Variants in CCNY observed in about 807,000 individuals in gnomAD.
The protein encoded by CCNY is cyclin Y, also known as cyclin-Y.
Under a neutral mutation model 42.8 loss-of-function variants are expected in CCNY, and 19 were observed. That is an observed-to-expected ratio of 0.44 (90% CI 0.31 to 0.65). The LOEUF is 0.65. CCNY is among the 30% of genes least tolerant of loss of function. The probability of loss-of-function intolerance (pLI) is 0.07; values close to 1 mark genes in which losing one functional copy is unlikely to be tolerated. For missense variants in CCNY, 370 were observed against 437.3 expected (o/e 0.85, Z 1.37); for synonymous variants, 165 against 162.7 (o/e 1.01, Z -0.11).
intron 1 of CCNY, among the ~76,000 whole-genome samples, chr10:35,454,023 A>G (rs984580644): frequency 1.3e-5 from 2 of 152,250 alleles, no homozygotes; most frequent in Admixed American, 1.3e-4. Flanking sequence ...GTTCCAACTC[A>G]TAGTTTGAAA....
At chr10:35,300,738 T>A (rs1835523927) in intron 3 of CCNY, among the ~76,000 whole-genome samples, 1 of 152,192 alleles carries the variant, frequency 6.6e-6, no homozygotes, top group Non-Finnish European at 1.5e-5. Context: ...AAATATGCTG[T>A]TTGTTAAGAC....
intron 3 of CCNY, among the ~76,000 whole-genome samples, chr10:35,327,317 CAATA>C (rs1246384858): frequency 6.6e-6 from 1 of 152,116 alleles, no homozygotes; most frequent in Non-Finnish European, 1.5e-5. Flanking sequence ...CTTTCTATAA[CAATA>C]AATACAGATG....
Position 35,530,001 on chromosome 10 carries a change from A to G in CCNY, c.430A>G (p.Ile144Val). ...RDPDGRMLLD[I>V]FDENLHPLSK... The stretch of plus-strand genomic sequence containing the variant: ...CCCAGATGGAAGGATGCTCTTAGAT[A>G]TTTTTGATGAAAATCTTCACCCTCT... The change falls in exon 6 of 10, where the codon ATT (isoleucine) becomes GTT (valine). Residue 144 changes from isoleucine (I) to valine (V), a missense_variant. Ile to Val is a conservative substitution (Grantham distance 29). This residue lies in a region of CCNY where 234 missense variants were observed against 313.1 expected (regional missense o/e 0.75). Coordinates refer to ENST00000374704, the MANE Select transcript of CCNY (RefSeq NM_145012.6). This position sits in a 1 kb window ranked among gnomAD's most constrained non-coding sequence, Gnocchi z 4.3. The G allele has an allele frequency of 1.2e-6, 2 of 1,614,044 alleles. No individual in the cohort carries two copies. Among genetic ancestry groups the G allele is most frequent in the African/African-American group, 1.3e-5 (1 of 75,014 alleles).
chr10:35,437,148 C>T (rs3013367), intron 1 of CCNY, among the ~76,000 whole-genome samples: 8,045 of 152,256 alleles, frequency 0.053, 308 homozygotes, highest in African/African-American at 0.11. Context: ...CCCGGCCCCA[C>T]CATTGACACA....
intron 3 of CCNY, among the ~76,000 whole-genome samples, chr10:35,305,819 T>C (rs181615589): frequency 2.4e-4 from 36 of 152,272 alleles, no homozygotes; most frequent in Admixed American, 1.8e-3. Context: ...TCTTGATATA[T>C]GATCCTTAGA....
At chr10:35,264,420 A>G (rs904823512) in intron 3 of CCNY, among the ~76,000 whole-genome samples, 5 of 152,152 alleles carry the variant, frequency 3.3e-5, no homozygotes. Context: ...GAACTAATAT[A>G]CATTCCCACC....
intron 1 of CCNY, among the ~76,000 whole-genome samples, chr10:35,361,291 A>AT (rs1836680607): frequency 6.6e-6 from 1 of 152,072 alleles, no homozygotes; most frequent in East Asian, 1.9e-4. Context: ...TGACTTTATA[A>AT]TTTTTTTGTC....
At chr10:35,560,915 AG>A (rs1272195527) in intron 8 of CCNY, among the ~76,000 whole-genome samples, 1 of 152,106 alleles carries the variant, frequency 6.6e-6, no homozygotes, top group African/African-American at 2.4e-5. Flanking sequence ...TTATGGGGAG[AG>A]GAGGTAGCAC....
At chr10:35,552,366 G>A (rs1339880314) in intron 7 of CCNY, among the ~76,000 whole-genome samples, 1 of 152,198 alleles carries the variant, frequency 6.6e-6, no homozygotes, top group African/African-American at 2.4e-5. Context: ...GAGGGAGGAA[G>A]TGGGGAATTA....
At chr10:35,292,522 G>C (rs1183036601) in intron 3 of CCNY, among the ~76,000 whole-genome samples, 3 of 151,764 alleles carry the variant, frequency 2.0e-5, no homozygotes, top group Non-Finnish European at 4.4e-5. Context: ...TACCGTGCCT[G>C]GCTAACTTTT....
At chr10:35,389,233 ACTACTACTACTG>A (rs1435008857) in intron 1 of CCNY, among the ~76,000 whole-genome samples, 2 of 152,132 alleles carry the variant, frequency 1.3e-5, no homozygotes, top group Admixed American at 6.5e-5. Context: ...TATTGCTGCT[ACTACTACTACTG>A]CTACTACTAC....
chr10:35,304,492 A>G lies in CCNY; in HGVS notation c.-9+53866A>G, dbSNP rs941845350. 2.7e-4 allele frequency among the ~76,000 whole-genome samples: 27 copies of G among 101,492 alleles called. 4 individuals carry two copies. Among genetic ancestry groups the G allele is most frequent in the Non-Finnish European group, 4.8e-4 (25 of 52,332 alleles). 66.6% of individuals were successfully genotyped at this position (101,492 alleles called of 152,430 possible). Reference sequence around the variant, plus strand: ...GCCCGGCTAATTTTTTTGTATTTTTAGTAGAGACGGGGTTTCACCGTTTTA... The same window carrying G: ...GCCCGGCTAATTTTTTTGTATTTTTGGTAGAGACGGGGTTTCACCGTTTTA... On this transcript the variant is annotated intron_variant, in intron 3 of 11. Coordinates refer to the CCNY transcript ENST00000374706.
intron 1 of CCNY, among the ~76,000 whole-genome samples, chr10:35,399,688 C>T (rs1014480211): frequency 6.6e-6 from 1 of 152,178 alleles, no homozygotes; most frequent in Admixed American, 6.5e-5. Context: ...CAAAAATAAA[C>T]ATAAAAGATA....
intron 3 of CCNY, among the ~76,000 whole-genome samples, chr10:35,289,644 C>T (rs1835389340): frequency 6.6e-6 from 1 of 152,020 alleles, no homozygotes; most frequent in Non-Finnish European, 1.5e-5. Flanking sequence ...GAGGTCAAGG[C>T]AGGCGGATCA....
At chr10:35,324,981 T>C (rs1269216523) in intron 3 of CCNY, among the ~76,000 whole-genome samples, 1 of 152,200 alleles carries the variant, frequency 6.6e-6, no homozygotes, top group African/African-American at 2.4e-5. Context: ...ATGGAACCAC[T>C]AGAAGAGATT....
At chr10:35,345,804 T>C (rs1426025099) in intron 1 of CCNY, among the ~76,000 whole-genome samples, 4 of 152,242 alleles carry the variant, frequency 2.6e-5, no homozygotes, top group Non-Finnish European at 5.9e-5. Flanking sequence ...TTGAGTGGGA[T>C]GCTTGCTGGC....
rs142562254 is a variant in CCNY, at chr10:35,377,792, T to A, written c.154+40585T>A. ...TAACATACATTTTTATTTTAAAAAATCTTCAAAACAAAAAATTAAGTAAGA... is the reference window on the plus strand; with the variant it reads ...TAACATACATTTTTATTTTAAAAAAACTTCAAAACAAAAAATTAAGTAAGA... On this transcript the variant is annotated intron_variant, in intron 1 of 9. Transcript: ENST00000374704. Among the ~76,000 whole-genome samples the A allele has an allele frequency of 1.8e-3, 278 of 152,266 alleles. 1 individual carries two copies. The highest frequency in any genetic ancestry group is 2.6e-3 in the Non-Finnish European group (180 of 68,032).
At chr10:35,255,615 GAGA>G (rs1174026228) in intron 3 of CCNY, among the ~76,000 whole-genome samples, 1 of 152,042 alleles carries the variant, frequency 6.6e-6, no homozygotes, top group Non-Finnish European at 1.5e-5. Context: ...ATAATTTTCA[GAGA>G]AGTTCTCTCT....
chr10:35,459,872 G>A (rs1455616312), intron 1 of CCNY, among the ~76,000 whole-genome samples: 1 of 152,094 alleles, frequency 6.6e-6, no homozygotes, highest in African/African-American at 2.4e-5. Flanking sequence ...ATACTTGGAG[G>A]GAGTACTTTA....
Sources: gnomAD v4.1 joint callset for allele counts (sites outside exome capture counted in the v4.1 genomes callset) on GRCh38, gnomAD v4.1.1 for gene constraint, gnomAD v4.1.1 regional missense constraint, Gnocchi (gnomAD v3.1) non-coding constraint, MANE v1.5 for transcripts, NCBI Gene and HGNC (gene_info 2026-07-23, HGNC 2026-07-21) for gene names.